The following ZNF883 variants were observed in gnomAD, a reference collection of about 807,000 sequenced individuals.
The protein encoded by ZNF883 is zinc finger protein 883.
intron 1 of ZNF883, among the ~76,000 whole-genome samples, chr9:113,011,817 C>T (rs1828541623): frequency 6.6e-6 from 1 of 152,288 alleles, no homozygotes; most frequent in Middle Eastern, 3.4e-3. Context: ...TGCCCCCCAT[C>T]ACAGTCAAAG....
chr9:112,988,333 T>C (rs1373834901), intron 1 of ZNF883, among the ~76,000 whole-genome samples: 1 of 147,736 alleles, frequency 6.8e-6, no homozygotes, highest in African/African-American at 2.4e-5. Context: ...GTGTGTATTG[T>C]TCCTCTCCCT....
downstream of ZNF883, among the ~76,000 whole-genome samples, chr9:112,996,790 C>CAAAAAAAAAA (rs61714600): frequency 3.8e-5 from 2 of 52,092 alleles, no homozygotes; most frequent in African/African-American, 7.1e-5. Flanking sequence ...GACTCCGTCT[C>CAAAAAAAAAA]AAAAAAAAAA....
chr9:113,005,778 GC>G (rs1178708249), intron 2 of ZNF883, among the ~76,000 whole-genome samples: 1 of 152,042 alleles, frequency 6.6e-6, no homozygotes, highest in East Asian at 1.9e-4. Flanking sequence ...TAGGCTATTA[GC>G]TTCTTGAGAA....
chr9:113,003,952 A>ACCT (rs10635459), intron 2 of ZNF883, among the ~76,000 whole-genome samples: 89,871 of 151,726 alleles, frequency 0.59, 27,280 homozygotes, highest in East Asian at 0.84. Flanking sequence ...TGTAATCCTA[A>ACCT]CAGTACCTCA....
At chr9:113,004,792 T>C (rs1375586984) in intron 2 of ZNF883, among the ~76,000 whole-genome samples, 1 of 149,998 alleles carries the variant, frequency 6.7e-6, no homozygotes, top group Non-Finnish European at 1.5e-5. Context: ...GGTGGGGACT[T>C]GCCCATACTA....
exon 2 of ZNF883, chr9:113,011,167 G>A (rs1422535448): frequency 6.6e-6 from 1 of 152,112 alleles, no homozygotes; most frequent in East Asian, 1.9e-4. Context: ...AGGGGCCAGT[G>A]GTCAGGTCCT....
chr9:113,004,885 C>T (rs564263181), intron 2 of ZNF883, among the ~76,000 whole-genome samples: 6 of 151,026 alleles, frequency 4.0e-5, no homozygotes, highest in Non-Finnish European at 8.8e-5. Context: ...AATAATAAAA[C>T]TGAGTCTAGA....
upstream of ZNF883, chr9:112,998,276 C>T: frequency 1.4e-6 from 2 of 1,480,592 alleles, no homozygotes; most frequent in Non-Finnish European, 1.8e-6. Flanking sequence ...TGAACTATGG[C>T]TTTACATTTA....
chr9:113,001,782 T>C (rs957298770), upstream of ZNF883, among the ~76,000 whole-genome samples: 4 of 152,176 alleles, frequency 2.6e-5, no homozygotes, highest in Admixed American at 2.6e-4. Context: ...AATTATGTCC[T>C]AAGTAGTCTT....
downstream of ZNF883, among the ~76,000 whole-genome samples, chr9:112,994,526 T>C (rs1034187383): frequency 9.9e-5 from 15 of 152,222 alleles, 1 homozygote; most frequent in South Asian, 4.1e-4. Flanking sequence ...TGTGATTCAA[T>C]TAAATTTACA....
At chr9:113,005,398 G>A (rs1828464578) in intron 2 of ZNF883, among the ~76,000 whole-genome samples, 1 of 151,954 alleles carries the variant, frequency 6.6e-6, no homozygotes, top group Non-Finnish European at 1.5e-5. Flanking sequence ...AAATACAAAC[G>A]ATCAATATAC....
chr9:112,988,562 G>A (rs1828274318), intron 1 of ZNF883, among the ~76,000 whole-genome samples: 1 of 152,004 alleles, frequency 6.6e-6, no homozygotes, highest in African/African-American at 2.4e-5. Context: ...TCGTTGATTG[G>A]CATTTGGGTT....
chr9:112,993,868 C>T (rs954664485), downstream of ZNF883, among the ~76,000 whole-genome samples: 67 of 152,312 alleles, frequency 4.4e-4, no homozygotes, highest in African/African-American at 1.6e-3. Flanking sequence ...GTGGGCAATT[C>T]CTCCTGGGTC....
chr9:112,998,882 G>A (rs1369262720), upstream of ZNF883: 2 of 152,062 alleles, frequency 1.3e-5, no homozygotes, highest in South Asian at 2.1e-4. Flanking sequence ...TTGGTTAAAT[G>A]TTTCCTCGAA....
exon 1 of ZNF883, chr9:112,997,194 C>G: frequency 1.9e-6 from 3 of 1,613,760 alleles, no homozygotes; most frequent in Non-Finnish European, 2.5e-6. Context: ...CAAAAGACAT[C>G]ACCACACTTA....
At chr9:112,989,297 G>A (rs1828280557) in intron 1 of ZNF883, among the ~76,000 whole-genome samples, 1 of 152,048 alleles carries the variant, frequency 6.6e-6, no homozygotes. Context: ...GTTCATTTTT[G>A]TATAAGGTGT....
downstream of ZNF883, chr9:112,997,058 G>T: frequency 1.4e-6 from 2 of 1,452,756 alleles, no homozygotes; most frequent in Non-Finnish European, 1.8e-6. Flanking sequence ...AGGGTTGCTT[G>T]AACTGTGAGT....
Position 113,005,839 on chromosome 9 carries a change from A to G in ZNF883, n.166-3766T>C, listed in dbSNP as rs201843861. ...CAGTTACTCTTCTGTCCTCAGTGCC[A>G]CCCACAGAACCTGGTATTCACTATG... On this transcript the variant is annotated intron_variant and non_coding_transcript_variant, in intron 2 of 4. Transcript: ENST00000638622. 6.6e-5 allele frequency among the ~76,000 whole-genome samples: 10 copies of G among 152,266 alleles called. No individual in the cohort carries two copies. In the East Asian group the frequency reaches 1.9e-3, roughly 29 times the overall value.
chr9:112,990,549 CATCAGGG>C (rs1828292936), intron 1 of ZNF883, among the ~76,000 whole-genome samples: 1 of 152,148 alleles, frequency 6.6e-6, no homozygotes. Context: ...CATCGATGTT[CATCAGGG>C]ACATTGCCCT....
Sources: allele counts gnomAD v4.1 joint callset (sites outside exome capture counted in the v4.1 genomes callset), GRCh38; gene constraint gnomAD v4.1.1; transcripts MANE v1.5; gene names NCBI Gene and HGNC (gene_info 2026-07-23, HGNC 2026-07-21).